The following CNBD1 variants were observed in gnomAD, a reference collection of about 807,000 sequenced individuals.
The protein encoded by CNBD1 is cyclic nucleotide binding domain containing 1.
In CNBD1, 71 loss-of-function variants were observed where a neutral mutation model predicts 54.4. The observed-to-expected ratio is 1.30, with a 90% CI of 1.08 to 1.59. The LOEUF (loss-of-function observed/expected upper bound fraction) is 1.59. Ranked by LOEUF, CNBD1 falls within the 40% of genes most tolerant of loss-of-function variation. The pLI is 0.00. For synonymous variants in CNBD1, 182 were observed against 170.7 expected (o/e 1.07, Z -0.51); for missense variants, 659 against 518.0 (o/e 1.27, Z -2.64).
rs546776643 is a variant in CNBD1 at position 87,353,339 on chromosome 8, A to G, written c.1153-297A>G. Among the ~76,000 whole-genome samples the G allele has an allele frequency of 2.0e-5, 3 of 152,294 alleles. No individual in the cohort carries two copies. In the East Asian group the frequency reaches 5.8e-4, roughly 29 times the overall value. ...AATGAAACTATGCTCACAAAATGAT[A>G]TCCTAGATCCTTGAAATGTGGAATT... On this transcript the variant is annotated intron_variant, in intron 9 of 10. Coordinates refer to ENST00000518476, the MANE Select transcript of CNBD1 (RefSeq NM_173538.3).
At chr8:87,063,133 A>G (rs1810579529) in intron 4 of CNBD1, among the ~76,000 whole-genome samples, 1 of 152,232 alleles carries the variant, frequency 6.6e-6, no homozygotes, top group Non-Finnish European at 1.5e-5. Flanking sequence ...GGATGAAAGT[A>G]ACCATATGGT....
intron 4 of CNBD1, among the ~76,000 whole-genome samples, chr8:87,085,159 G>A (rs1811072064): frequency 6.6e-6 from 1 of 152,040 alleles, no homozygotes; most frequent in Non-Finnish European, 1.5e-5. Flanking sequence ...TTGATGGTTT[G>A]CAATTCATCC....
chr8:86,887,455 A>T, intron 1 of CNBD1, 87 bp from the exon 2 acceptor site: 1 of 797,928 alleles, frequency 1.3e-6, no homozygotes. Flanking sequence ...TTTCACTATG[A>T]TGAATGTTTG....
intron 6 of CNBD1, among the ~76,000 whole-genome samples, chr8:87,258,981 A>C (rs371548254): frequency 6.6e-6 from 1 of 152,170 alleles, no homozygotes; most frequent in East Asian, 1.9e-4. Flanking sequence ...ACCTAAACTA[A>C]GCAAACATTT....
intron 4 of CNBD1, among the ~76,000 whole-genome samples, chr8:86,988,650 C>T (rs546102650): frequency 4.5e-4 from 68 of 152,188 alleles, no homozygotes; most frequent in Middle Eastern, 3.4e-3. Flanking sequence ...ACTATATTTT[C>T]GTATCCTTTA....
intron 6 of CNBD1, among the ~76,000 whole-genome samples, chr8:87,250,581 A>G (rs1456613042): frequency 2.0e-5 from 3 of 152,238 alleles, no homozygotes; most frequent in African/African-American, 7.2e-5. Flanking sequence ...ATGAGTGTCC[A>G]TCAACCATTG....
intron 4 of CNBD1, among the ~76,000 whole-genome samples, chr8:87,041,167 G>A (rs893498092): frequency 7.2e-5 from 11 of 152,134 alleles, no homozygotes; most frequent in Admixed American, 4.6e-4. Context: ...GCCTGAAGCT[G>A]TAAGAACTAC....
chr8:86,939,534 G>A (rs1404336960), intron 3 of CNBD1, 62 bp from the exon 4 acceptor site: 25 of 1,178,680 alleles, frequency 2.1e-5, no homozygotes, highest in Non-Finnish European at 2.7e-5. Context: ...TATAGTAAAA[G>A]TCCCTGTAAA....
At chr8:87,227,404 C>T in intron 5 of CNBD1, among the ~76,000 whole-genome samples, 6 of 148,402 alleles carry the variant, frequency 4.0e-5, no homozygotes, top group African/African-American at 1.5e-4. Context: ...ATGTTTAGCG[C>T]TTCCTTCAGG....
chr8:87,105,827 G>C (rs1038424737), intron 4 of CNBD1, among the ~76,000 whole-genome samples: 6 of 151,438 alleles, frequency 4.0e-5, no homozygotes, highest in African/African-American at 1.5e-4. Flanking sequence ...CTTTTTTCCT[G>C]ATCCTGAGAG....
intron 1 of CNBD1, among the ~76,000 whole-genome samples, chr8:86,872,115 C>A (rs2453442): frequency 6.6e-6 from 1 of 151,968 alleles, no homozygotes; most frequent in Non-Finnish European, 1.5e-5. Flanking sequence ...ACTGTTAACT[C>A]TACCTTAATC....
chr8:87,097,449 C>T (rs1811343010), intron 4 of CNBD1, among the ~76,000 whole-genome samples: 1 of 152,134 alleles, frequency 6.6e-6, no homozygotes, highest in South Asian at 2.1e-4. Context: ...ATATAAAATA[C>T]TTCGATGTGT....
rs554303156 is a variant in CNBD1 at position 86,906,678 on chromosome 8, A to G, written c.272+1484A>G. 1.2e-3 allele frequency among the ~76,000 whole-genome samples: 186 copies of G among 152,344 alleles called. 1 individual carries two copies. The highest frequency in any genetic ancestry group is 4.4e-3 in the African/African-American group (183 of 41,588). ...ATAGAATAAGGGACCAAGAGCTTTT[A>G]TGGATAGCTGATATGATCATCTTGC... On this transcript the variant is annotated intron_variant, in intron 3 of 10. Coordinates refer to ENST00000518476, the MANE Select transcript of CNBD1 (RefSeq NM_173538.3).
intron 4 of CNBD1, among the ~76,000 whole-genome samples, chr8:86,956,257 G>C (rs1307584822): frequency 6.6e-5 from 10 of 152,130 alleles, no homozygotes; most frequent in Admixed American, 6.5e-4. Context: ...TTTGAAGTCA[G>C]GTAGCATGAT....
intron 8 of CNBD1, among the ~76,000 whole-genome samples, chr8:87,304,288 A>G (rs1249371019): frequency 1.3e-5 from 2 of 152,208 alleles, no homozygotes; most frequent in Admixed American, 6.5e-5. Context: ...CATATACACC[A>G]TGGAATACTA....
chr8:87,229,487 T>A (rs371081005), intron 5 of CNBD1, among the ~76,000 whole-genome samples: 1 of 152,204 alleles, frequency 6.6e-6, no homozygotes, highest in Non-Finnish European at 1.5e-5. Context: ...ATATTTTAAT[T>A]GTTCTTTGAC....
intron 4 of CNBD1, among the ~76,000 whole-genome samples, chr8:87,062,206 T>C (rs2130640867): frequency 6.6e-6 from 1 of 152,294 alleles, no homozygotes; most frequent in African/African-American, 2.4e-5. Flanking sequence ...TTATTCAAGG[T>C]AAAGTTAATT....
At chr8:87,058,088 A>G (rs1260074580) in intron 4 of CNBD1, among the ~76,000 whole-genome samples, 1 of 152,196 alleles carries the variant, frequency 6.6e-6, no homozygotes, top group East Asian at 1.9e-4. Flanking sequence ...GAAATTGACC[A>G]AAACAAAAAG....
intron 1 of CNBD1, among the ~76,000 whole-genome samples, chr8:86,881,782 G>A (rs1808609675): frequency 6.6e-6 from 1 of 152,186 alleles, no homozygotes; most frequent in Non-Finnish European, 1.5e-5. Context: ...CAGGGCTACA[G>A]TAACCAAAAC....
Sources: gnomAD v4.1 joint callset for allele counts (sites outside exome capture counted in the v4.1 genomes callset) on GRCh38, gnomAD v4.1.1 for gene constraint, MANE v1.5 for transcripts, NCBI Gene and HGNC (gene_info 2026-07-23, HGNC 2026-07-21) for gene names.